The following ZNHIT6 variants were observed in gnomAD, a reference collection of about 807,000 sequenced individuals.
ZNHIT6 encodes the protein box C/D snoRNA protein 1.
ZNHIT6 carries 45 observed loss-of-function variants against 57.2 expected under a neutral mutation model. The ratio of observed to expected loss-of-function variants is 0.79; its 90% CI spans 0.62 to 1.01. ZNHIT6 has a LOEUF of 1.01. Ranked by LOEUF, ZNHIT6 falls within the 50% of genes least tolerant of loss-of-function variation. The pLI, the probability that ZNHIT6 is intolerant of heterozygous loss-of-function variation, is 0.00. For missense variants in ZNHIT6, 528 were observed against 567.3 expected, an observed-to-expected ratio of 0.93 and a Z score of 0.70; for synonymous variants, 188 against 190.0, an observed-to-expected ratio of 0.99 and a Z score of 0.09.
At position 85,665,711 on chromosome 1, in the gene ZNHIT6, A is replaced by C. The variant is rs144053773; in HGVS notation, c.1248-7740T>G. On this transcript the variant is annotated intron_variant, in intron 8 of 9. Transcript: ENST00000370574. ...CTAACAAAACATACATTTCCTTTGA[A>C]GCTAAAACTGAATGCAAGTGTCTCA... 2.0e-5 allele frequency among the ~76,000 whole-genome samples: 3 copies of C among 152,292 alleles called. No homozygotes were observed. In the East Asian group the frequency reaches 5.8e-4, roughly 29 times the overall value.
At chr1:85,703,902 T>C (rs559248546) in intron 4 of ZNHIT6, among the ~76,000 whole-genome samples, 20 of 152,038 alleles carry the variant, frequency 1.3e-4, no homozygotes, top group African/African-American at 4.6e-4. Context: ...ATCCAAGAAA[T>C]ACCAAGAATT....
At chr1:85,704,974 G>C (rs902348473) in intron 4 of ZNHIT6, among the ~76,000 whole-genome samples, 1 of 152,140 alleles carries the variant, frequency 6.6e-6, no homozygotes, top group Non-Finnish European at 1.5e-5. Context: ...AGTCTTGTTA[G>C]CTCTTCCTTC....
intron 5 of ZNHIT6, among the ~76,000 whole-genome samples, 174 bp from the exon 6 acceptor site, chr1:85,681,078 G>T (rs1393372350): frequency 6.6e-6 from 1 of 152,202 alleles, no homozygotes; most frequent in African/African-American, 2.4e-5. Context: ...AGAAAAAAAA[G>T]GGAAGCAGTT....
intron 6 of ZNHIT6, 29 bp downstream of exon 6, chr1:85,680,807 A>T (rs1661852044): frequency 6.4e-7 from 1 of 1,563,162 alleles, no homozygotes; most frequent in African/African-American, 1.4e-5. Flanking sequence ...AATTAAAACA[A>T]ATCAGTGATT....
intron 1 of ZNHIT6, among the ~76,000 whole-genome samples, chr1:85,706,945 C>T (rs963767352): frequency 4.6e-5 from 7 of 152,054 alleles, no homozygotes; most frequent in Admixed American, 4.6e-4. Context: ...TAGTAGCACC[C>T]TTTTTCCTGA....
At chr1:85,681,101 G>C (rs929293811) in intron 5 of ZNHIT6, among the ~76,000 whole-genome samples, 197 bp from the exon 6 acceptor site, 1 of 152,182 alleles carries the variant, frequency 6.6e-6, no homozygotes, top group African/African-American at 2.4e-5. Flanking sequence ...AAATTCCAAG[G>C]ACTTCACATT....
Position 85,706,478 on chromosome 1 carries a change from TTTGC to T in ZNHIT6, c.682_685del (p.Ala228SerfsTer17). 6.3e-7 allele frequency: 1 copy of T among 1,594,086 alleles called. No individual in the cohort carries two copies. On this transcript the variant is annotated frameshift_variant, in exon 2 of 10. Transcript: ENST00000370574. LOFTEE classifies it high-confidence loss of function. ...TCGCATACAACGTGGACATCTGTAC[TTTGC>T]TTCTTCTGTACCACAAGTCTCACAC...
At chr1:85,697,629 A>G (rs1775991) in intron 5 of ZNHIT6, among the ~76,000 whole-genome samples, 147,041 of 152,290 alleles carry the variant, frequency 0.97, 71,006 homozygotes, top group East Asian at 1. Context: ...ATTTTAATGA[A>G]TCCAGCCTCA....
rs111764288 is a variant in ZNHIT6, at chr1:85,677,159, CTT to C, written c.1247+75_1247+76del. 4.9e-5 allele frequency: 52 copies of C among 1,062,450 alleles called. 1 individual carries two copies. Among genetic ancestry groups the C allele is most frequent in the African/African-American group, 4.7e-4 (29 of 61,996 alleles). The allele number at this position is 1,062,450 out of a possible 1,614,324, so 65.8% of individuals were successfully genotyped here. ...CATAGCTAGATAATTAGTTTAATAA[CTT>C]GAGCTAATCAAGCTACTTAATTATA... On this transcript the variant is annotated intron_variant, in intron 8 of 9. Transcript: ENST00000370574.
At chr1:85,663,435 A>G (rs1661278551) in intron 8 of ZNHIT6, among the ~76,000 whole-genome samples, 1 of 151,118 alleles carries the variant, frequency 6.6e-6, no homozygotes, top group Non-Finnish European at 1.5e-5. Context: ...TAAAGTAGAG[A>G]AGACATAGTA....
In ZNHIT6 at chr1:85,706,032, T is replaced by A. The variant is rs750931550; in HGVS notation, c.915+46A>T. The A allele has an allele frequency of 2.1e-6, 3 of 1,425,618 alleles. No individual in the cohort carries two copies. In the South Asian group the frequency reaches 3.8e-5, roughly 18 times the overall value. 88.3% of individuals were successfully genotyped at this position (1,425,618 alleles called of 1,614,324 possible). A position where few individuals can be genotyped will look rare whatever the true frequency, so the allele number is the denominator to read the frequency against. ...GTTAAAAAAAAAAAAAGAATCTAAT[T>A]GATTTGAAGGACTTCTAACTGGAAG... On this transcript the variant is annotated intron_variant, in intron 4 of 9. Coordinates refer to ENST00000370574, the MANE Select transcript of ZNHIT6 (RefSeq NM_017953.4).
intron 8 of ZNHIT6, among the ~76,000 whole-genome samples, chr1:85,668,345 A>G (rs1297749287): frequency 6.6e-6 from 1 of 152,110 alleles, no homozygotes; most frequent in East Asian, 1.9e-4. Flanking sequence ...ATTTTCCCCC[A>G]TTTATCAACT....
chr1:85,667,240 C>T (rs849158), intron 8 of ZNHIT6, among the ~76,000 whole-genome samples: 137,902 of 152,150 alleles, frequency 0.91, 63,121 homozygotes, highest in Non-Finnish European at 0.97. Flanking sequence ...ACAATATGTA[C>T]GAAGTGCTTA....
intron 9 of ZNHIT6, among the ~76,000 whole-genome samples, chr1:85,657,254 C>CACAAAATCAGAGAA (rs931531575): frequency 1.3e-5 from 2 of 152,004 alleles, no homozygotes; most frequent in African/African-American, 4.8e-5. Flanking sequence ...TTCCCTATAT[C>CACAAAATCAGAGAA]ACAAAATCAG....
At chr1:85,662,812 T>G (rs909897323) in intron 8 of ZNHIT6, among the ~76,000 whole-genome samples, 6 of 152,272 alleles carry the variant, frequency 3.9e-5, no homozygotes, top group Admixed American at 3.3e-4. Context: ...ATGTCTTAAT[T>G]CAGAAAGCTC....
intron 8 of ZNHIT6, among the ~76,000 whole-genome samples, chr1:85,675,796 T>C (rs1661684627): frequency 6.6e-6 from 1 of 152,228 alleles, no homozygotes; most frequent in Admixed American, 6.5e-5. Flanking sequence ...CTGTGGCTTC[T>C]ACATCACCAT....
At chr1:85,702,346 G>T in intron 4 of ZNHIT6, 86 bp from the exon 5 acceptor site, 1 of 770,540 alleles carries the variant, frequency 1.3e-6, no homozygotes, top group Non-Finnish European at 2.1e-6. Flanking sequence ...TAATAGTTAA[G>T]ATTTACTGAG....
At chr1:85,686,346 T>C (rs1031847775) in intron 5 of ZNHIT6, among the ~76,000 whole-genome samples, 1 of 152,064 alleles carries the variant, frequency 6.6e-6, no homozygotes, top group African/African-American at 2.4e-5. Context: ...AGAAAAAAAA[T>C]ATATATTTCT....
At chr1:85,672,201 AAAC>A (rs1248490293) in intron 8 of ZNHIT6, among the ~76,000 whole-genome samples, 2 of 152,090 alleles carry the variant, frequency 1.3e-5, no homozygotes, top group Non-Finnish European at 2.9e-5. Flanking sequence ...ATCTCTCTGT[AAAC>A]AGCAATCATG....
Sources: gnomAD v4.1 joint callset for allele counts (sites outside exome capture counted in the v4.1 genomes callset) on GRCh38, gnomAD v4.1.1 for gene constraint, MANE v1.5 for transcripts, NCBI Gene and HGNC (gene_info 2026-07-23, HGNC 2026-07-21) for gene names.